PLEKHA6: variants seen among roughly 807,000 people sequenced by gnomAD.
The protein encoded by PLEKHA6 is pleckstrin homology domain-containing family A member 6.
Under a neutral mutation model 116.7 loss-of-function variants are expected in PLEKHA6, and 60 were observed. The ratio of observed to expected loss-of-function variants is 0.51; its 90% CI spans 0.42 to 0.64. The LOEUF (loss-of-function observed/expected upper bound fraction) is 0.64, where lower values mean the gene tolerates loss of function less well. Among genes scored for constraint, PLEKHA6 ranks in the 30% least tolerant of loss-of-function variants. PLEKHA6 has a pLI of 0.00. For synonymous variants in PLEKHA6, 489 were observed against 556.1 expected (o/e 0.88, Z 1.70); for missense variants, 1,338 against 1,422.7 (o/e 0.94, Z 0.96).
intron 1 of PLEKHA6, among the ~76,000 whole-genome samples, chr1:204,287,810 G>C (rs1669352601): frequency 6.6e-6 from 1 of 152,216 alleles, no homozygotes; most frequent in African/African-American, 2.4e-5. Flanking sequence ...AAGACTAGCA[G>C]CTCCAGCTTT....
At chr1:204,265,269 C>T (rs1489494406) in intron 5 of PLEKHA6, among the ~76,000 whole-genome samples, 1 of 152,164 alleles carries the variant, frequency 6.6e-6, no homozygotes, top group Non-Finnish European at 1.5e-5. Flanking sequence ...GACACTGGGA[C>T]TACAGAGGTG....
At chr1:204,244,442 T>C (rs533969568) in intron 15 of PLEKHA6, among the ~76,000 whole-genome samples, 31 of 152,166 alleles carry the variant, frequency 2.0e-4, no homozygotes, top group African/African-American at 7.2e-4. Context: ...GCCACGTGTG[T>C]ATCTTTCTAA....
rs1369624866 is a variant in PLEKHA6, at chr1:204,248,813, T to C, written c.1824+8A>G. The C allele has an allele frequency of 8.1e-6, 13 of 1,612,796 alleles. No homozygotes were observed. The highest frequency in any genetic ancestry group is 1.1e-5 in the Non-Finnish European group (13 of 1,179,572). On this transcript the variant is annotated splice_region_variant and intron_variant, in intron 12 of 22. Coordinates refer to ENST00000272203, the MANE Select transcript of PLEKHA6 (RefSeq NM_014935.5). ...GGTGGGGTGCACGAACCCCGCTCCCTGGGTTACCGTGGTCGCCTGAGACAG... is the reference window on the plus strand; with the variant it reads ...GGTGGGGTGCACGAACCCCGCTCCCCGGGTTACCGTGGTCGCCTGAGACAG...
At chr1:204,316,752 T>C (rs931528296) in intron 1 of PLEKHA6, among the ~76,000 whole-genome samples, 2 of 152,248 alleles carry the variant, frequency 1.3e-5, no homozygotes, top group African/African-American at 4.8e-5. Flanking sequence ...ACTTACCTAT[T>C]TGAACCCATT....
Position 204,223,605 on chromosome 1 carries a change from G to C in PLEKHA6, c.3032-20C>G. 1 of 738,462 alleles carries C rather than the reference G, an allele frequency of 1.4e-6. No individual in the cohort carries two copies. Among genetic ancestry groups the C allele is most frequent in the Non-Finnish European group, 2.2e-6 (1 of 447,186 alleles). The allele number at this position is 738,462 out of a possible 1,614,324, so 45.7% of individuals were successfully genotyped here. Reference sequence around the variant, plus strand: ...ATTGCACTGGAAACAGAAATGAACAGGGAGGTGAATGGGGGTGGGTGGGGG... The same window carrying C: ...ATTGCACTGGAAACAGAAATGAACACGGAGGTGAATGGGGGTGGGTGGGGG... On this transcript the variant is annotated intron_variant, in intron 21 of 22. Coordinates refer to ENST00000272203, the MANE Select transcript of PLEKHA6 (RefSeq NM_014935.5). The surrounding 1 kb of genome is among the most constrained non-coding windows in gnomAD (Gnocchi z 4.8).
In PLEKHA6 at chr1:204,254,762, GTTATTA is replaced by G. The variant is rs1228443523; in HGVS notation, c.1524+2585_1524+2590del. Among the ~76,000 whole-genome samples, 4 of 152,086 alleles carry G rather than the reference GTTATTA, an allele frequency of 2.6e-5. 1 individual carries two copies. The highest frequency in any genetic ancestry group is 9.7e-5 in the African/African-American group (4 of 41,412). The stretch of plus-strand genomic sequence containing the variant: ...GAGGCATCCAATTATTGTAGCTGTT[GTTATTA>G]TTATTATTATTTCCACCCCTCCAGG... On this transcript the variant is annotated intron_variant, in intron 9 of 22. Coordinates refer to ENST00000272203, the MANE Select transcript of PLEKHA6 (RefSeq NM_014935.5).
chr1:204,280,240 C>T, intron 1 of PLEKHA6: 3 of 914,914 alleles, frequency 3.3e-6, no homozygotes, highest in Non-Finnish European at 3.9e-6. Flanking sequence ...GCTTCATCTC[C>T]AAACATCCCC....
In PLEKHA6 at chr1:204,257,748, T is replaced by C. The variant is rs1253343589; in HGVS notation, c.1129A>G (p.Met377Val). The C allele has an allele frequency of 1.2e-6, 2 of 1,613,724 alleles. No homozygotes were observed. Among genetic ancestry groups the C allele is most frequent in the South Asian group, 2.2e-5 (2 of 90,958 alleles). ...GGGCTGATCCGATCATAGGCCGGCATGGAACAGATGCTCTCCGGCCGCACT... is the reference window on the plus strand; with the variant it reads ...GGGCTGATCCGATCATAGGCCGGCACGGAACAGATGCTCTCCGGCCGCACT... Reference protein sequence around the residue: ...PGVRPESICSMPAYDRISPPW... With the variant: ...PGVRPESICSVPAYDRISPPW... The change falls in exon 9 of 23, where the codon ATG becomes GTG. Residue 377 changes from methionine (M) to valine (V), a missense_variant. By Grantham distance (21) the Met-to-Val change is conservative. Around this residue, in one of 3 missense-constraint regions of PLEKHA6, gnomAD observed 1,136 missense variants for 1,163.6 expected, o/e 0.98. Coordinates refer to ENST00000272203, the MANE Select transcript of PLEKHA6 (RefSeq NM_014935.5). The surrounding 1 kb of genome is among the most constrained non-coding windows in gnomAD (Gnocchi z 6.5).
chr1:204,338,812 C>G (rs1024592980), intron 1 of PLEKHA6, among the ~76,000 whole-genome samples: 1 of 152,184 alleles, frequency 6.6e-6, no homozygotes, highest in African/African-American at 2.4e-5. Context: ...GAGGGACTCT[C>G]GCATGGCCTC....
At chr1:204,343,344 A>G (rs1672913428) in intron 1 of PLEKHA6, among the ~76,000 whole-genome samples, 3 of 152,174 alleles carry the variant, frequency 2.0e-5, no homozygotes, top group Admixed American at 1.3e-4. Flanking sequence ...AGCTTTTTAC[A>G]TGTATTAATG....
chr1:204,350,134 C>T (rs1008812114), intron 1 of PLEKHA6, among the ~76,000 whole-genome samples: 1 of 152,148 alleles, frequency 6.6e-6, no homozygotes, highest in Admixed American at 6.5e-5. Context: ...CCAGCCTGGA[C>T]AACATGGTGA....
At chr1:204,230,335 C>A (rs1380882685) in intron 18 of PLEKHA6, 78 bp downstream of exon 18, 2 of 1,229,938 alleles carry the variant, frequency 1.6e-6, no homozygotes, top group East Asian at 2.8e-5. Flanking sequence ...CCCCCAGGCC[C>A]AAGCTGGCCA....
Position 204,257,730 on chromosome 1 carries a change from T to A in PLEKHA6, c.1147A>T (p.Ile383Phe). ...SICSMPAYDR[I>F]SPPWALEDKR... ...TCCTCCAGGGCCCAGGGCGGGCTGA[T>A]CCGATCATAGGCCGGCATGGAACAG... Residue 383 changes from isoleucine (I) to phenylalanine (F), a missense_variant, in exon 9 of 23, where the codon ATC becomes TTC. This residue lies in a region of PLEKHA6 where 1,136 missense variants were observed against 1,163.6 expected (regional missense o/e 0.98). Transcript: ENST00000272203. The surrounding 1 kb of genome is among the most constrained non-coding windows in gnomAD (Gnocchi z 6.5). 6.2e-7 allele frequency: 1 copy of A among 1,613,328 alleles called. No homozygotes were observed. The highest frequency in any genetic ancestry group is 1.3e-5 in the African/African-American group (1 of 75,042).
In PLEKHA6 at chr1:204,223,558, G is replaced by A. The variant is rs1571711107; in HGVS notation, c.3059C>T (p.Thr1020Ile). ...SVQCATPSPP[T>I]SPASPAPPAN... is the part of the protein sequence containing the mutation. ...TGGAGGAGCCGGGGAAGCAGGGGAG[G>A]TGGGAGGGCTTGGGGTGGCACATTG... is the stretch of plus-strand genomic sequence containing the variant. Residue 1020 changes from threonine (T) to isoleucine (I), a missense_variant, in exon 22 of 23, where the codon ACC (threonine) becomes ATC (isoleucine). Physicochemically the swap from Thr to Ile is moderately conservative, Grantham distance 89. Coordinates refer to ENST00000272203, the MANE Select transcript of PLEKHA6 (RefSeq NM_014935.5). This position sits in a 1 kb window ranked among gnomAD's most constrained non-coding sequence, Gnocchi z 4.8. The A allele has an allele frequency of 8.4e-6, 13 of 1,543,464 alleles. No homozygotes were observed. The highest frequency in any genetic ancestry group is 1.1e-5 in the Non-Finnish European group (13 of 1,140,280).
chr1:204,327,418 G>A (rs535073753), intron 1 of PLEKHA6, among the ~76,000 whole-genome samples: 19 of 152,350 alleles, frequency 1.2e-4, no homozygotes, highest in Admixed American at 5.2e-4. Context: ...AGTAGACAGC[G>A]ATAAGGAACT....
chr1:204,308,107 G>T (rs924348834), intron 1 of PLEKHA6, among the ~76,000 whole-genome samples: 1 of 152,138 alleles, frequency 6.6e-6, no homozygotes, highest in African/African-American at 2.4e-5. Flanking sequence ...ATAGAATTAG[G>T]CCAGGTGAGA....
intron 3 of PLEKHA6, among the ~76,000 whole-genome samples, chr1:204,272,971 C>G (rs1271746601): frequency 1.3e-5 from 2 of 152,184 alleles, no homozygotes; most frequent in African/African-American, 2.4e-5. Context: ...TCCCATCCCC[C>G]CTTTTACCTC....
intron 3 of PLEKHA6, among the ~76,000 whole-genome samples, chr1:204,366,456 C>T (rs917745745): frequency 2.0e-5 from 3 of 152,116 alleles, no homozygotes; most frequent in Non-Finnish European, 4.4e-5. Flanking sequence ...AATTTGCTTT[C>T]GCTTTAAGAA....
intron 3 of PLEKHA6, among the ~76,000 whole-genome samples, chr1:204,365,151 G>A (rs1429132781): frequency 6.6e-6 from 1 of 152,154 alleles, no homozygotes; most frequent in African/African-American, 2.4e-5. Context: ...TGGGGAGTGT[G>A]GGAGGTGAGG....
Sources: gnomAD v4.1 joint callset for allele counts (sites outside exome capture counted in the v4.1 genomes callset) on GRCh38, gnomAD v4.1.1 for gene constraint, gnomAD v4.1.1 regional missense constraint, Gnocchi (gnomAD v3.1) non-coding constraint, MANE v1.5 for transcripts, NCBI Gene and HGNC (gene_info 2026-07-23, HGNC 2026-07-21) for gene names.